CTIF: variants seen among roughly 807,000 people sequenced by gnomAD.
The protein encoded by CTIF is CBP80/20-dependent translation initiation factor.
CTIF carries 21 observed loss-of-function variants against 66.0 expected under a neutral mutation model. The observed-to-expected ratio is 0.32, with a 90% CI of 0.23 to 0.46. The LOEUF (loss-of-function observed/expected upper bound fraction) is 0.46. CTIF is among the 20% of genes least tolerant of loss of function. The pLI, the probability that CTIF is intolerant of heterozygous loss-of-function variation, is 1.00. For synonymous variants in CTIF, 345 were observed against 326.4 expected, an observed-to-expected ratio of 1.06 and a Z score of -0.62; for missense variants, 739 against 812.7, an observed-to-expected ratio of 0.91 and a Z score of 1.10.
intron 10 of CTIF, among the ~76,000 whole-genome samples, chr18:48,820,277 G>A (rs550138614): frequency 3.9e-5 from 6 of 152,254 alleles, no homozygotes; most frequent in South Asian, 4.2e-4. Context: ...TCGCAGCTCC[G>A]TAGGGACCCC....
intron 3 of CTIF, among the ~76,000 whole-genome samples, chr18:48,645,278 C>CA (rs74174711): frequency 1.3e-4 from 9 of 69,180 alleles, no homozygotes; most frequent in African/African-American, 3.9e-4. Flanking sequence ...TGGACACAGG[C>CA]AAAAAAAAAA....
chr18:48,810,435 A>G (rs947843239), intron 9 of CTIF, among the ~76,000 whole-genome samples: 2 of 152,022 alleles, frequency 1.3e-5, no homozygotes, highest in African/African-American at 4.8e-5. Context: ...GTATGTCTTT[A>G]TTTCATTTTT....
chr18:48,824,536 G>A (rs2068544490), intron 10 of CTIF, among the ~76,000 whole-genome samples: 1 of 151,958 alleles, frequency 6.6e-6, no homozygotes, highest in Non-Finnish European at 1.5e-5. Context: ...GCTCTTCTAG[G>A]TTATCATTGA....
At chr18:48,812,255 C>T (rs994684606) in intron 9 of CTIF, among the ~76,000 whole-genome samples, 1 of 152,298 alleles carries the variant, frequency 6.6e-6, no homozygotes, top group Non-Finnish European at 1.5e-5. Flanking sequence ...TGAGCCACCG[C>T]GCCCAGCTGG....
At chr18:48,770,339 C>G (rs564612765) in intron 9 of CTIF, among the ~76,000 whole-genome samples, 2 of 151,982 alleles carry the variant, frequency 1.3e-5, no homozygotes, top group Non-Finnish European at 2.9e-5. Context: ...TGCGCCACTG[C>G]GCCACTACTG....
chr18:48,697,898 G>A (rs1389241571), intron 6 of CTIF, among the ~76,000 whole-genome samples: 1 of 151,406 alleles, frequency 6.6e-6, no homozygotes, highest in Non-Finnish European at 1.5e-5. Flanking sequence ...TCCTGCCGTT[G>A]CATCCTAGCC....
At chr18:48,730,244 C>CTGGGGTGTGAGGG (rs1568170766) in intron 7 of CTIF, among the ~76,000 whole-genome samples, 19 of 133,186 alleles carry the variant, frequency 1.4e-4, no homozygotes, top group African/African-American at 5.5e-4. Context: ...GAGGGGCCTC[C>CTGGGGTGTGAGGG]GCGGTGTGAG....
chr18:48,689,113 G>T (rs1194719020), intron 6 of CTIF, among the ~76,000 whole-genome samples: 1 of 152,212 alleles, frequency 6.6e-6, no homozygotes, highest in Non-Finnish European at 1.5e-5. Context: ...CCTGGAGGAG[G>T]AGGACTGCCA....
chr18:48,545,016 G>A (rs1301298918), intron 1 of CTIF, among the ~76,000 whole-genome samples: 2 of 152,232 alleles, frequency 1.3e-5, no homozygotes, highest in Non-Finnish European at 2.9e-5. Flanking sequence ...ACCTGCTCCG[G>A]CCTCAGATGT....
intron 9 of CTIF, among the ~76,000 whole-genome samples, chr18:48,786,513 A>C (rs925952234): frequency 1.3e-5 from 2 of 152,180 alleles, no homozygotes; most frequent in African/African-American, 4.8e-5. Context: ...AGTTGTTAGG[A>C]GTACTAAATG....
chr18:48,580,121 C>G (rs2089622094), intron 1 of CTIF, among the ~76,000 whole-genome samples: 1 of 152,170 alleles, frequency 6.6e-6, no homozygotes, highest in South Asian at 2.1e-4. Flanking sequence ...GGTCAGAGTT[C>G]TGCTACAGGT....
chr18:48,752,788 C>T (rs549340401), intron 7 of CTIF, among the ~76,000 whole-genome samples: 13 of 152,338 alleles, frequency 8.5e-5, no homozygotes, highest in Admixed American at 2.0e-4. Flanking sequence ...CAGCCCTGCG[C>T]GCACCATGGG....
chr18:48,859,560 C>G lies in CTIF; in HGVS notation c.*1C>G. 1 of 1,613,820 alleles carries G rather than the reference C, an allele frequency of 6.2e-7. No homozygotes were observed. The highest frequency in any genetic ancestry group is 8.5e-7 in the Non-Finnish European group (1 of 1,179,976). On this transcript the variant is annotated 3_prime_UTR_variant, in exon 12 of 12. Transcript: ENST00000256413. ...AACCATCCAGAAACTGACAGCCTGA[C>G]AGCCAGGGGGCCTGGCAGGCGGCCC... is the stretch of plus-strand genomic sequence containing the variant.
chr18:48,834,357 ATTCT>A lies in CTIF; in HGVS notation c.1527+16984_1527+16987del, dbSNP rs1309237340. On this transcript the variant is annotated intron_variant, in intron 10 of 11. Coordinates refer to ENST00000256413, the MANE Select transcript of CTIF (RefSeq NM_014772.3). ...ATATAATTTGTATATGTCACAAAATATTCTTTGATTTTTTTCCCCAACTACTGAA... is the reference window on the plus strand; with the variant it reads ...ATATAATTTGTATATGTCACAAAATATTGATTTTTTTCCCCAACTACTGAA... Among the ~76,000 whole-genome samples, 4 of 152,352 alleles carry A rather than the reference ATTCT, an allele frequency of 2.6e-5. No homozygotes were observed. The South Asian group carries it at 8.3e-4, about 32-fold the overall frequency.
At chr18:48,576,415 C>T (rs1338520820) in intron 1 of CTIF, among the ~76,000 whole-genome samples, 1 of 152,210 alleles carries the variant, frequency 6.6e-6, no homozygotes, top group Non-Finnish European at 1.5e-5. Flanking sequence ...CTTGAGATGG[C>T]CTTTTGGTTC....
chr18:48,762,897 C>T (rs914549443), intron 9 of CTIF, among the ~76,000 whole-genome samples: 10 of 152,218 alleles, frequency 6.6e-5, no homozygotes, highest in African/African-American at 4.8e-5. Context: ...CCCACCCTCT[C>T]CTCTGCATGT....
chr18:48,548,444 G>A (rs532648684), intron 1 of CTIF, among the ~76,000 whole-genome samples: 2 of 152,326 alleles, frequency 1.3e-5, no homozygotes, highest in Admixed American at 6.5e-5. Flanking sequence ...TCTGTCTCCG[G>A]TATCTACCTA....
intron 6 of CTIF, among the ~76,000 whole-genome samples, chr18:48,707,156 G>T (rs1022950794): frequency 2.0e-5 from 3 of 152,212 alleles, no homozygotes; most frequent in African/African-American, 7.2e-5. Flanking sequence ...ATGTCTACAT[G>T]GGGCCCTTTC....
At chr18:48,844,554 G>A (rs939364103) in intron 10 of CTIF, among the ~76,000 whole-genome samples, 3 of 152,214 alleles carry the variant, frequency 2.0e-5, no homozygotes, top group Non-Finnish European at 2.9e-5. Flanking sequence ...TCCCTCTGGG[G>A]CGCCTGGTCC....
Sources: gnomAD v4.1 joint callset for allele counts (sites outside exome capture counted in the v4.1 genomes callset) on GRCh38, gnomAD v4.1.1 for gene constraint, MANE v1.5 for transcripts, NCBI Gene and HGNC (gene_info 2026-07-23, HGNC 2026-07-21) for gene names.